Variants in STRBP observed in about 807,000 individuals in gnomAD.
STRBP encodes the protein spermatid perinuclear RNA-binding protein.
Under a neutral mutation model 80.1 loss-of-function variants are expected in STRBP, and 13 were observed. That is an observed-to-expected ratio of 0.16 (90% confidence interval 0.11 to 0.26). STRBP has a LOEUF of 0.26. Among genes scored for constraint, STRBP ranks in the 10% least tolerant of loss-of-function variants. The pLI is 1.00. For missense variants in STRBP, 485 were observed against 815.2 expected (o/e 0.59, Z 4.93); for synonymous variants, 284 against 291.2 (o/e 0.98, Z 0.25).
rs1451059519 is a variant in STRBP, at chr9:123,124,249, T to G, written c.*1348A>C. The G allele has an allele frequency of 4.1e-6, 4 of 985,400 alleles. No homozygotes were observed. The East Asian group carries it at 3.4e-4, about 84-fold the overall frequency. 61.0% of individuals were successfully genotyped at this position (985,400 alleles called of 1,614,324 possible). A position where few individuals can be genotyped will look rare whatever the true frequency, so the allele number is the denominator to read the frequency against. ...AGCTAATTCATACTAAAAACAGACA[T>G]TTTTAAGACATGGTGCCTTATAAAT... On this transcript the variant is annotated 3_prime_UTR_variant, in exon 19 of 19. Coordinates refer to ENST00000348403, the MANE Select transcript of STRBP (RefSeq NM_018387.5).
chr9:123,231,535 T>G (rs2040397804), intron 2 of STRBP, among the ~76,000 whole-genome samples: 1 of 152,206 alleles, frequency 6.6e-6, no homozygotes. Context: ...CCATATTTCT[T>G]ATCTTGGCTA....
At chr9:123,142,054 A>C (rs2036611240) in intron 13 of STRBP, among the ~76,000 whole-genome samples, 1 of 152,084 alleles carries the variant, frequency 6.6e-6, no homozygotes, top group African/African-American at 2.4e-5. Flanking sequence ...CCTCACCCTC[A>C]ATATTTAATC....
chr9:123,174,585 A>G (rs767194935), intron 4 of STRBP, among the ~76,000 whole-genome samples: 6 of 152,366 alleles, frequency 3.9e-5, no homozygotes, highest in Middle Eastern at 6.8e-3. Flanking sequence ...CTCAGTATCC[A>G]CAACAGTAAA....
intron 13 of STRBP, among the ~76,000 whole-genome samples, chr9:123,145,663 C>T (rs145425005): frequency 2.6e-5 from 4 of 152,288 alleles, no homozygotes; most frequent in Non-Finnish European, 4.4e-5. Flanking sequence ...CTTTTCGTGT[C>T]AGCTGCTACA....
chr9:123,230,322 T>TTA (rs1283031901), intron 2 of STRBP, among the ~76,000 whole-genome samples: 2 of 152,228 alleles, frequency 1.3e-5, no homozygotes, highest in African/African-American at 4.8e-5. Context: ...ATTCTTATAA[T>TTA]TATCACGTAA....
At chr9:123,262,579 A>G (rs1456703921) in intron 1 of STRBP, among the ~76,000 whole-genome samples, 1 of 152,262 alleles carries the variant, frequency 6.6e-6, no homozygotes, top group Non-Finnish European at 1.5e-5. Context: ...CTGTGATTTT[A>G]TTATTGATGT....
At chr9:123,187,989 C>T (rs1357814678) in intron 2 of STRBP, among the ~76,000 whole-genome samples, 1 of 152,064 alleles carries the variant, frequency 6.6e-6, no homozygotes. Flanking sequence ...TTTAACACCC[C>T]TGAAAATCCC....
At chr9:123,112,812 C>G (rs1464644559) in intron 3 of STRBP, 3 of 167,198 alleles carry the variant, frequency 1.8e-5, no homozygotes, top group African/African-American at 7.2e-5. Flanking sequence ...ACAAAGGAAG[C>G]AATCTGCTCC....
Position 123,124,539 on chromosome 9 carries a change from C to T in STRBP, c.*1058G>A. 5 of 985,384 alleles carry T rather than the reference C, an allele frequency of 5.1e-6. No homozygotes were observed. Among genetic ancestry groups the T allele is most frequent in the Middle Eastern group, 5.2e-4 (1 of 1,914 alleles). 61.0% of individuals were successfully genotyped at this position (985,384 alleles called of 1,614,324 possible). Reference sequence around the variant, plus strand: ...AACAAGAACTGGGACAATCGAAGAGCAAGTTTTTATGGGGACCCTGTTGCT... The same window carrying T: ...AACAAGAACTGGGACAATCGAAGAGTAAGTTTTTATGGGGACCCTGTTGCT... On this transcript the variant is annotated 3_prime_UTR_variant, in exon 19 of 19. Transcript: ENST00000348403.
At chr9:123,216,097 G>A (rs1211314718) in intron 2 of STRBP, among the ~76,000 whole-genome samples, 1 of 152,080 alleles carries the variant, frequency 6.6e-6, no homozygotes, top group Non-Finnish European at 1.5e-5. Context: ...CCCTTATTCT[G>A]CATTCAACTT....
chr9:123,144,197 CAAAA>C (rs957671357), intron 13 of STRBP, among the ~76,000 whole-genome samples: 4 of 69,054 alleles, frequency 5.8e-5, no homozygotes, highest in Admixed American at 1.7e-4. Context: ...GACTCCGTCT[CAAAA>C]AAAAAAAAAA....
chr9:123,242,181 C>CA lies in STRBP; in HGVS notation c.-301-5216dup, dbSNP rs554975494. 6.6e-5 allele frequency among the ~76,000 whole-genome samples: 10 copies of CA among 152,318 alleles called. No individual in the cohort carries two copies. The East Asian group carries it at 1.7e-3, about 26-fold the overall frequency. Reference sequence around the variant, plus strand: ...CAATCAATTAGCCACCCCACTATTTCAAGGTCAACCTGTTTCGATTATCTG... The same window carrying CA: ...CAATCAATTAGCCACCCCACTATTTCAAAGGTCAACCTGTTTCGATTATCTG... On this transcript the variant is annotated intron_variant, in intron 1 of 18. Transcript: ENST00000348403.
intron 1 of STRBP, among the ~76,000 whole-genome samples, chr9:123,262,645 T>C (rs1309960215): frequency 1.3e-5 from 2 of 152,226 alleles, no homozygotes; most frequent in Non-Finnish European, 2.9e-5. Flanking sequence ...GCAGATGTTT[T>C]ACACAGCGCT....
At chr9:123,187,038 T>A (rs2038726652) in intron 2 of STRBP, among the ~76,000 whole-genome samples, 1 of 152,096 alleles carries the variant, frequency 6.6e-6, no homozygotes, top group Admixed American at 6.5e-5. Flanking sequence ...AGCTCAGACT[T>A]TGTACTCACT....
chr9:123,183,716 C>G (rs868225274), intron 3 of STRBP, among the ~76,000 whole-genome samples: 8 of 152,246 alleles, frequency 5.3e-5, no homozygotes, highest in Middle Eastern at 3.4e-3. Context: ...GTGGCTTTTT[C>G]AGTTAAACAT....
chr9:123,229,755 G>GA (rs1167463871), intron 2 of STRBP, among the ~76,000 whole-genome samples: 1 of 152,180 alleles, frequency 6.6e-6, no homozygotes, highest in African/African-American at 2.4e-5. Flanking sequence ...AGTTGAATGG[G>GA]AGAGAGGGTA....
chr9:123,109,870 G>A (rs2035535813), intron 3 of STRBP: 1 of 152,176 alleles, frequency 6.6e-6, no homozygotes. Context: ...TATTGCCAAG[G>A]ATTTTGCACT....
rs1420307123 is a variant in STRBP at position 123,136,624 on chromosome 9, G to A, written c.1498-109C>T. ...GGAGGCTCAAAAATTCTACTTCAAA[G>A]CACTCAGGGGCTAGAATGAGTCACC... is the stretch of plus-strand genomic sequence containing the variant. On this transcript the variant is annotated intron_variant, in intron 14 of 18. Transcript: ENST00000348403. The surrounding 1 kb of genome is among the most constrained non-coding windows in gnomAD (Gnocchi z 4.2). The A allele has an allele frequency of 2.3e-6, 3 of 1,282,060 alleles. No individual in the cohort carries two copies. In the African/African-American group the frequency reaches 4.5e-5, roughly 19 times the overall value. The allele number at this position is 1,282,060 out of a possible 1,614,324, so 79.4% of individuals were successfully genotyped here. A position where few individuals can be genotyped will look rare whatever the true frequency, so the allele number is the denominator to read the frequency against.
At chr9:123,192,876 A>G (rs1388193503) in intron 2 of STRBP, among the ~76,000 whole-genome samples, 2 of 152,042 alleles carry the variant, frequency 1.3e-5, no homozygotes, top group African/African-American at 4.8e-5. Context: ...CTGGCACTAA[A>G]CTCAAATATT....
Sources: gnomAD v4.1 joint callset for allele counts (sites outside exome capture counted in the v4.1 genomes callset) on GRCh38, gnomAD v4.1.1 for gene constraint, Gnocchi (gnomAD v3.1) non-coding constraint, MANE v1.5 for transcripts, NCBI Gene and HGNC (gene_info 2026-07-23, HGNC 2026-07-21) for gene names.